The following FGGY variants were observed in gnomAD, a reference collection of about 807,000 sequenced individuals.
FGGY encodes the protein FGGY carbohydrate kinase domain containing.
A neutral mutation model predicts 71.3 loss-of-function variants in FGGY; 72 were observed. That is an observed-to-expected ratio of 1.01 (90% CI 0.84 to 1.23). FGGY has a LOEUF of 1.23. Among genes scored for constraint, FGGY ranks in the 50% most tolerant of loss-of-function variants. The pLI, the probability that FGGY is intolerant of heterozygous loss-of-function variation, is 0.00. For missense variants in FGGY, 668 were observed against 682.3 expected, an observed-to-expected ratio of 0.98 and a Z score of 0.23; for synonymous variants, 251 against 250.3, an observed-to-expected ratio of 1.00 and a Z score of -0.02.
intron 7 of FGGY, among the ~76,000 whole-genome samples, chr1:59,529,344 A>G (rs1416969553): frequency 6.6e-6 from 1 of 152,196 alleles, no homozygotes; most frequent in Non-Finnish European, 1.5e-5. Context: ...TAATCTTCAC[A>G]TTGACTCCAG....
intron 12 of FGGY, among the ~76,000 whole-genome samples, chr1:59,665,394 C>G (rs1170095329): frequency 6.6e-6 from 1 of 152,302 alleles, no homozygotes; most frequent in African/African-American, 2.4e-5. Flanking sequence ...TTACCAGATT[C>G]ATGAATAGCT....
At chr1:59,678,212 G>T (rs576614735) in intron 14 of FGGY, among the ~76,000 whole-genome samples, 70 of 152,210 alleles carry the variant, frequency 4.6e-4, no homozygotes, top group African/African-American at 1.6e-3. Context: ...TTGAATAAGT[G>T]GGAGGGGACA....
chr1:59,304,513 G>A (rs2043177670), intron 1 of FGGY, among the ~76,000 whole-genome samples: 1 of 151,884 alleles, frequency 6.6e-6, no homozygotes, highest in Non-Finnish European at 1.5e-5. Context: ...GATGTCTCCA[G>A]CTTTGTTCTT....
intron 13 of FGGY, among the ~76,000 whole-genome samples, chr1:59,669,378 G>A (rs912696655): frequency 6.6e-6 from 1 of 151,992 alleles, no homozygotes; most frequent in Non-Finnish European, 1.5e-5. Context: ...CTATAGAAGT[G>A]GGCCGTTCAA....
chr1:59,730,748 G>A (rs1425627417), intron 14 of FGGY, among the ~76,000 whole-genome samples: 1 of 152,186 alleles, frequency 6.6e-6, no homozygotes, highest in Non-Finnish European at 1.5e-5. Flanking sequence ...GCAAGAGGGA[G>A]GTAGAGGTAA....
intron 6 of FGGY, among the ~76,000 whole-genome samples, chr1:59,477,490 T>G (rs1008860545): frequency 1.3e-5 from 2 of 152,198 alleles, no homozygotes; most frequent in African/African-American, 4.8e-5. Flanking sequence ...GTTTGCCTGC[T>G]GCTTAGACAG....
chr1:59,527,530 G>T (rs182786938), intron 7 of FGGY, among the ~76,000 whole-genome samples: 1 of 152,194 alleles, frequency 6.6e-6, no homozygotes, highest in African/African-American at 2.4e-5. Context: ...TCACCCCATT[G>T]TCTCTTCTCC....
At position 59,456,950 on chromosome 1, in the gene FGGY, T is replaced by C; in HGVS notation, c.555-11T>C. 2 of 1,599,922 alleles carry C rather than the reference T, an allele frequency of 1.3e-6. No homozygotes were observed. Among genetic ancestry groups the C allele is most frequent in the South Asian group, 2.2e-5 (2 of 90,758 alleles). On this transcript the variant is annotated splice_polypyrimidine_tract_variant and intron_variant, in intron 5 of 15. Coordinates refer to ENST00000303721, the MANE Select transcript of FGGY (RefSeq NM_018291.5). ...TGGTCAGTTCTATCTATATCTCTTC[T>C]ATTTTCTTAGGTCTCTCTGCTCCCT...
intron 5 of FGGY, among the ~76,000 whole-genome samples, chr1:59,434,665 C>A (rs924156226): frequency 1.3e-5 from 2 of 152,170 alleles, no homozygotes; most frequent in African/African-American, 4.8e-5. Flanking sequence ...TGAGGACTCA[C>A]TTCCTGGTTC....
chr1:59,528,519 T>C (rs571822981), intron 7 of FGGY, among the ~76,000 whole-genome samples: 2 of 152,336 alleles, frequency 1.3e-5, no homozygotes, highest in East Asian at 3.9e-4. Context: ...TTCTAAAACC[T>C]GAAGACATGG....
intron 5 of FGGY, among the ~76,000 whole-genome samples, chr1:59,430,073 C>T (rs1055383540): frequency 1.1e-4 from 17 of 152,204 alleles, no homozygotes; most frequent in African/African-American, 3.9e-4. Flanking sequence ...AAGGAATAAA[C>T]CCCAGGCCAT....
chr1:59,448,584 A>C (rs550758871), intron 5 of FGGY, among the ~76,000 whole-genome samples: 21 of 152,340 alleles, frequency 1.4e-4, no homozygotes, highest in Non-Finnish European at 2.6e-4. Context: ...GCCATTAAAA[A>C]ATGATTAGGA....
At chr1:59,375,888 T>G (rs989866671) in intron 4 of FGGY, among the ~76,000 whole-genome samples, 198 of 151,280 alleles carry the variant, frequency 1.3e-3, no homozygotes, top group Non-Finnish European at 2.2e-3. Flanking sequence ...AGTTTTTTTT[T>G]TTTTTTTTTT....
intron 7 of FGGY, among the ~76,000 whole-genome samples, chr1:59,550,159 GAATAA>G (rs372312976): frequency 7.9e-4 from 120 of 152,242 alleles, no homozygotes; most frequent in African/African-American, 2.7e-3. Context: ...GAGGATTGCA[GAATAA>G]ACTGACACTG....
intron 4 of FGGY, among the ~76,000 whole-genome samples, chr1:59,349,291 G>T (rs2052761289): frequency 6.6e-6 from 1 of 152,104 alleles, no homozygotes; most frequent in Non-Finnish European, 1.5e-5. Flanking sequence ...TCTTCAATTT[G>T]GCCTAAACTT....
intron 6 of FGGY, among the ~76,000 whole-genome samples, chr1:59,510,970 C>T (rs1300984599): frequency 6.6e-6 from 1 of 152,116 alleles, no homozygotes; most frequent in Non-Finnish European, 1.5e-5. Context: ...CTAAATAAAA[C>T]TAAATAAAAT....
At chr1:59,377,896 T>A (rs1240756719) in intron 4 of FGGY, among the ~76,000 whole-genome samples, 1 of 152,196 alleles carries the variant, frequency 6.6e-6, no homozygotes, top group Non-Finnish European at 1.5e-5. Flanking sequence ...AACCAAATCT[T>A]TAAAATGTAC....
chr1:59,655,328 G>A (rs2097208330), intron 11 of FGGY, among the ~76,000 whole-genome samples: 1 of 152,158 alleles, frequency 6.6e-6, no homozygotes, highest in South Asian at 2.1e-4. Flanking sequence ...TGTTAAATAG[G>A]TATACATGTG....
chr1:59,446,871 A>G (rs2071396408), intron 5 of FGGY, among the ~76,000 whole-genome samples: 1 of 152,206 alleles, frequency 6.6e-6, no homozygotes, highest in Admixed American at 6.5e-5. Context: ...GCTGCGTATA[A>G]ATAATGCAGC....
Sources: gnomAD v4.1 joint callset for allele counts (sites outside exome capture counted in the v4.1 genomes callset) on GRCh38, gnomAD v4.1.1 for gene constraint, MANE v1.5 for transcripts, NCBI Gene and HGNC (gene_info 2026-07-23, HGNC 2026-07-21) for gene names.